Variants in FADS1 observed in about 807,000 individuals in gnomAD.
FADS1 encodes the protein fatty acid desaturase 1, also known as acyl-CoA (8-3)-desaturase.
FADS1 carries 17 observed loss-of-function variants against 61.6 expected under a neutral mutation model. The observed-to-expected ratio is 0.28, with a 90% confidence interval of 0.19 to 0.41. FADS1 has a LOEUF of 0.41. FADS1 is among the 10% of genes least tolerant of loss of function. The pLI, the probability that FADS1 is intolerant of heterozygous loss-of-function variation, is 1.00. For synonymous variants in FADS1, 238 were observed against 258.7 expected (o/e 0.92, Z 0.77); for missense variants, 387 against 650.9 (o/e 0.59, Z 4.41).
chr11:61,804,946 A>T (rs2066883253), intron 6 of FADS1, 185 bp from the exon 7 acceptor site: 2 of 596,416 alleles, frequency 3.4e-6, no homozygotes, highest in Non-Finnish European at 6.0e-6. Flanking sequence ...GGTGGGCATA[A>T]ATCCAAGTCT....
intron 5 of FADS1, among the ~76,000 whole-genome samples, chr11:61,808,814 T>C (rs767514809): frequency 2.6e-5 from 4 of 152,192 alleles, no homozygotes; most frequent in Non-Finnish European, 5.9e-5. Context: ...CCCAAATCCA[T>C]TGGCTTCACC....
chr11:61,803,672 G>A lies in FADS1; in HGVS notation c.1149C>T (p.Val383=). Residue 383 remains valine, a splice_region_variant and synonymous_variant, in exon 8 of 12, where the codon GTC becomes GTT. Coordinates refer to ENST00000350997, the MANE Select transcript of FADS1 (RefSeq NM_013402.7). The surrounding 1 kb of genome is among the most constrained non-coding windows in gnomAD (Gnocchi z 4.3). ...TATCCGCCCCCACCGAATACTACCT[G>A]ACTATGAAGAAAAGGCCCAGGAAGG... The part of the protein sequence containing the change: ...LKAFLGLFFI[V]RFLESNWFVW... 1 of 1,610,974 alleles carries A rather than the reference G, an allele frequency of 6.2e-7. No homozygotes were observed. Among genetic ancestry groups the A allele is most frequent in the Non-Finnish European group, 8.5e-7 (1 of 1,177,198 alleles).
rs1368559520 is a variant in FADS1 at position 61,816,981 on chromosome 11, G to C, written c.-52C>G. 1 of 1,351,728 alleles carries C rather than the reference G, an allele frequency of 7.4e-7. No homozygotes were observed. The highest frequency in any genetic ancestry group is 9.4e-7 in the Non-Finnish European group (1 of 1,058,582). 83.7% of individuals were successfully genotyped at this position (1,351,728 alleles called of 1,614,324 possible). ...GAGATCCCGTCCCCCGGTGGGTCTT[G>C]GGCAACTCACAGCTGGGCTGCCAAC... On this transcript the variant is annotated 5_prime_UTR_variant, in exon 1 of 12. Coordinates refer to ENST00000350997, the MANE Select transcript of FADS1 (RefSeq NM_013402.7). This position sits in a 1 kb window ranked among gnomAD's most constrained non-coding sequence, Gnocchi z 7.0.
At position 61,816,838 on chromosome 11, in the gene FADS1, A is replaced by G; in HGVS notation, c.92T>C (p.Ile31Thr). The change falls in exon 1 of 12, where the codon ATC (isoleucine) becomes ACC (threonine). Residue 31 changes from isoleucine to threonine, a missense_variant. Coordinates refer to ENST00000350997, the MANE Select transcript of FADS1 (RefSeq NM_013402.7). The surrounding 1 kb of genome is among the most constrained non-coding windows in gnomAD (Gnocchi z 7.0). ...RRLALGARQQ[I>T]HSWSPRTPST... ...CGGGGTCCGCGGGCTCCAGGAGTGG[A>G]TTTGCTGGCGCGCGCCCAGAGCCAG... is the stretch of plus-strand genomic sequence containing the variant. 6.7e-7 allele frequency: 1 copy of G among 1,488,774 alleles called. No individual in the cohort carries two copies. The highest frequency in any genetic ancestry group is 8.9e-7 in the Non-Finnish European group (1 of 1,129,446). The allele number at this position is 1,488,774 out of a possible 1,614,324, so 92.2% of individuals were successfully genotyped here. A position where few individuals can be genotyped will look rare whatever the true frequency, so the allele number is the denominator to read the frequency against.
intron 6 of FADS1, chr11:61,806,389 A>G: frequency 2.2e-6 from 1 of 460,732 alleles, no homozygotes; most frequent in Non-Finnish European, 3.9e-6. Flanking sequence ...ATAAAGCAAG[A>G]GGCCCCTCTA....
In FADS1 at chr11:61,804,971, C is replaced by T. The variant is rs2066883371; in HGVS notation, c.977-210G>A. On this transcript the variant is annotated intron_variant, in intron 6 of 11. Coordinates refer to ENST00000350997, the MANE Select transcript of FADS1 (RefSeq NM_013402.7). The stretch of plus-strand genomic sequence containing the variant: ...AATCCAAGTCTGGGGAAGGCAAAAA[C>T]TCCCAAGAGGATGCCAGGGAAGGTG... The T allele has an allele frequency of 6.9e-6, 4 of 581,786 alleles. No homozygotes were observed. The Admixed American group carries it at 9.2e-5, about 13-fold the overall frequency. The allele number at this position is 581,786 out of a possible 1,614,324, so 36.0% of individuals were successfully genotyped here.
chr11:61,805,010 G>A (rs2066883612), intron 6 of FADS1: 4 of 561,804 alleles, frequency 7.1e-6, no homozygotes, highest in Middle Eastern at 4.7e-4. Context: ...GGTGCGAGTG[G>A]CACTCTTCAG....
Position 61,803,665 on chromosome 11 carries a change from A to G in FADS1, c.1151+5T>C. The G allele has an allele frequency of 6.2e-7, 1 of 1,608,666 alleles. No individual in the cohort carries two copies. Among genetic ancestry groups the G allele is most frequent in the South Asian group, 1.1e-5 (1 of 90,970 alleles). Reference sequence around the variant, plus strand: ...CAGTCCCTATCCGCCCCCACCGAATACTACCTGACTATGAAGAAAAGGCCC... The same window carrying G: ...CAGTCCCTATCCGCCCCCACCGAATGCTACCTGACTATGAAGAAAAGGCCC... On this transcript the variant is annotated splice_donor_5th_base_variant and intron_variant, in intron 8 of 11. Coordinates refer to ENST00000350997, the MANE Select transcript of FADS1 (RefSeq NM_013402.7). This position sits in a 1 kb window ranked among gnomAD's most constrained non-coding sequence, Gnocchi z 4.3.
intron 3 of FADS1, among the ~76,000 whole-genome samples, 192 bp downstream of exon 3, chr11:61,812,279 A>G (rs2066936046): frequency 6.6e-6 from 1 of 152,212 alleles, no homozygotes. Context: ...AGTGAGAGAA[A>G]TGAAGATGTC....
chr11:61,805,146 G>A, intron 6 of FADS1: 1 of 342,524 alleles, frequency 2.9e-6, no homozygotes, highest in Admixed American at 4.5e-5. Flanking sequence ...TTAAAAGGGT[G>A]CTAATACTCT....
At chr11:61,811,757 CTG>C in intron 3 of FADS1, 1 of 328,624 alleles carries the variant, frequency 3.0e-6, no homozygotes, top group Non-Finnish European at 6.2e-6. Flanking sequence ...TCCCAGCTAA[CTG>C]TTGTATTTTA....
At chr11:61,808,223 C>T (rs1483454644) in intron 5 of FADS1, among the ~76,000 whole-genome samples, 1 of 152,032 alleles carries the variant, frequency 6.6e-6, no homozygotes, top group Non-Finnish European at 1.5e-5. Flanking sequence ...GTAGTCCCAG[C>T]TACTCAGGAG....
chr11:61,806,462 C>G, intron 6 of FADS1: 1 of 587,864 alleles, frequency 1.7e-6, no homozygotes, highest in East Asian at 2.8e-5. Context: ...AGTTTGCCTT[C>G]AACCAATCAT....
At position 61,816,466 on chromosome 11, in the gene FADS1, G is replaced by A. The variant is rs201892776; in HGVS notation, c.375+89C>T. On this transcript the variant is annotated intron_variant, in intron 1 of 11. Coordinates refer to ENST00000350997, the MANE Select transcript of FADS1 (RefSeq NM_013402.7). This position sits in a 1 kb window ranked among gnomAD's most constrained non-coding sequence, Gnocchi z 7.0. ...CTCCGGGCTTTCCTCCGAATTAGTCGGTGTTTGGCTCGGAGTGCGTAACTC... is the reference window on the plus strand; with the variant it reads ...CTCCGGGCTTTCCTCCGAATTAGTCAGTGTTTGGCTCGGAGTGCGTAACTC... The A allele has an allele frequency of 2.4e-5, 38 of 1,600,748 alleles. No homozygotes were observed. The highest frequency in any genetic ancestry group is 3.3e-4 in the Middle Eastern group (2 of 6,082).
intron 4 of FADS1, 41 bp from the exon 5 acceptor site, chr11:61,810,920 A>G (rs778831950): frequency 3.7e-6 from 6 of 1,614,050 alleles, no homozygotes; most frequent in Non-Finnish European, 4.2e-6. Flanking sequence ...AGCTTCCCCC[A>G]AGGCAGCCCT....
chr11:61,805,482 A>G (rs2066886597), intron 6 of FADS1: 1 of 152,186 alleles, frequency 6.6e-6, no homozygotes, highest in African/African-American at 2.4e-5. Flanking sequence ...GATGCTACCC[A>G]TAACTCCTAG....
At chr11:61,804,810 T>C (rs776157362) in intron 6 of FADS1, 49 bp from the exon 7 acceptor site, 6 of 1,506,906 alleles carry the variant, frequency 4.0e-6, no homozygotes, top group Non-Finnish European at 5.5e-6. Flanking sequence ...AGGAAGGTCA[T>C]GAAAGGGCCA....
rs1360858039 is a variant in FADS1 at position 61,802,047 on chromosome 11, G to T, written c.*364C>A. The T allele has an allele frequency of 4.0e-6, 1 of 249,568 alleles. No individual in the cohort carries two copies. The highest frequency in any genetic ancestry group is 2.2e-5 in the African/African-American group (1 of 44,614). The allele number at this position is 249,568 out of a possible 1,614,324, so 15.5% of individuals were successfully genotyped here. ...AGGCGCGTGCCACCACGCCCGGCATGAGTGGAATTTTAGTGTTAAATCTCT... is the reference window on the plus strand; with the variant it reads ...AGGCGCGTGCCACCACGCCCGGCATTAGTGGAATTTTAGTGTTAAATCTCT... On this transcript the variant is annotated 3_prime_UTR_variant, in exon 12 of 12. Coordinates refer to ENST00000350997, the MANE Select transcript of FADS1 (RefSeq NM_013402.7). This position sits in a 1 kb window ranked among gnomAD's most constrained non-coding sequence, Gnocchi z 4.2.
At chr11:61,812,110 A>G (rs1304620610) in intron 3 of FADS1, 1 of 343,594 alleles carries the variant, frequency 2.9e-6, no homozygotes, top group Non-Finnish European at 5.6e-6. Context: ...GTCAAGAATT[A>G]GCGCTCAATC....
Sources: gnomAD v4.1 joint callset for allele counts (sites outside exome capture counted in the v4.1 genomes callset) on GRCh38, gnomAD v4.1.1 for gene constraint, Gnocchi (gnomAD v3.1) non-coding constraint, MANE v1.5 for transcripts, NCBI Gene and HGNC (gene_info 2026-07-23, HGNC 2026-07-21) for gene names.